The following MCC variants were observed in gnomAD, a reference collection of about 807,000 sequenced individuals.
MCC encodes the protein MCC regulator of Wnt signaling pathway.
Under a neutral mutation model 116.2 loss-of-function variants are expected in MCC, and 90 were observed. The ratio of observed to expected loss-of-function variants is 0.77; its 90% confidence interval spans 0.65 to 0.92. The LOEUF (loss-of-function observed/expected upper bound fraction) is 0.92. MCC is among the 40% of genes least tolerant of loss of function. The pLI, the probability that MCC is intolerant of heterozygous loss-of-function variation, is 0.00. For synonymous variants in MCC, 578 were observed against 510.5 expected, an observed-to-expected ratio of 1.13 and a Z score of -1.78; for missense variants, 1,516 against 1,312.2, an observed-to-expected ratio of 1.16 and a Z score of -2.40.
intron 2 of MCC, among the ~76,000 whole-genome samples, chr5:113,364,731 GGC>G (rs1372636853): frequency 6.6e-6 from 1 of 152,206 alleles, no homozygotes; most frequent in Non-Finnish European, 1.5e-5. Flanking sequence ...TCTAGGTGGA[GGC>G]TCACATGCTT....
intron 1 of MCC, among the ~76,000 whole-genome samples, chr5:113,449,343 A>T (rs1771318131): frequency 6.6e-6 from 1 of 152,264 alleles, no homozygotes; most frequent in South Asian, 2.1e-4. Context: ...TGTATATATG[A>T]AAAGCAGAAA....
At chr5:113,126,753 G>A (rs939395969) in intron 5 of MCC, among the ~76,000 whole-genome samples, 13 of 152,148 alleles carry the variant, frequency 8.5e-5, no homozygotes, top group Admixed American at 2.6e-4. Context: ...TATGTTATCC[G>A]TAAGGCTTCA....
intron 1 of MCC, among the ~76,000 whole-genome samples, chr5:113,464,547 C>A (rs1298289020): frequency 6.6e-6 from 1 of 152,178 alleles, no homozygotes; most frequent in Non-Finnish European, 1.5e-5. Flanking sequence ...CCCCTGAACT[C>A]CCTTCACTAT....
intron 3 of MCC, among the ~76,000 whole-genome samples, chr5:113,265,329 A>G (rs951774493): frequency 6.6e-6 from 1 of 152,176 alleles, no homozygotes; most frequent in Non-Finnish European, 1.5e-5. Context: ...CCAACCTGGT[A>G]TCTAACAAAT....
chr5:113,170,137 G>A (rs1325818055), intron 3 of MCC, among the ~76,000 whole-genome samples: 2 of 152,198 alleles, frequency 1.3e-5, no homozygotes, highest in Non-Finnish European at 2.9e-5. Context: ...GTCATGGGCA[G>A]GTCTGGTCTT....
intron 3 of MCC, among the ~76,000 whole-genome samples, chr5:113,172,617 C>G (rs751850123): frequency 7.2e-5 from 11 of 152,244 alleles, no homozygotes; most frequent in Non-Finnish European, 1.3e-4. Context: ...CCATGGCCAT[C>G]TGTCCATCTT....
At chr5:113,332,361 T>C (rs1055617671) in intron 3 of MCC, among the ~76,000 whole-genome samples, 2 of 151,420 alleles carry the variant, frequency 1.3e-5, no homozygotes, top group South Asian at 4.1e-4. Flanking sequence ...AGTATTTTCC[T>C]AAGATTTACT....
chr5:113,320,131 A>G (rs1767382934), intron 3 of MCC, among the ~76,000 whole-genome samples: 1 of 152,220 alleles, frequency 6.6e-6, no homozygotes, highest in South Asian at 2.1e-4. Flanking sequence ...AATTTGACTC[A>G]CTAGTATGCT....
chr5:113,363,760 C>G (rs1043361763), intron 2 of MCC, among the ~76,000 whole-genome samples: 2 of 152,146 alleles, frequency 1.3e-5, no homozygotes, highest in Admixed American at 1.3e-4. Flanking sequence ...CCAATAGTCC[C>G]CGAAAGTCTT....
chr5:113,278,792 G>A (rs762282078), intron 3 of MCC, among the ~76,000 whole-genome samples: 10 of 152,090 alleles, frequency 6.6e-5, no homozygotes, highest in Non-Finnish European at 1.2e-4. Flanking sequence ...TTCTAGGCAG[G>A]GAAATGACCA....
At chr5:113,073,298 T>C (rs1182483500) in intron 11 of MCC, among the ~76,000 whole-genome samples, 4 of 152,220 alleles carry the variant, frequency 2.6e-5, no homozygotes. Context: ...ATGGCGTGCG[T>C]GAGGCCCCTG....
At chr5:113,222,907 G>T (rs1763603232) in intron 3 of MCC, among the ~76,000 whole-genome samples, 2 of 152,174 alleles carry the variant, frequency 1.3e-5, no homozygotes, top group African/African-American at 4.8e-5. Flanking sequence ...TCTCCTGTGG[G>T]TATGATACCT....
chr5:113,040,098 C>T (rs533719769), intron 17 of MCC, among the ~76,000 whole-genome samples: 5 of 151,616 alleles, frequency 3.3e-5, no homozygotes, highest in African/African-American at 1.2e-4. Context: ...TATGGCAATA[C>T]CACAGCCAAC....
intron 3 of MCC, among the ~76,000 whole-genome samples, chr5:113,327,561 A>AAAAAATATATATATATATAT (rs1480996383): frequency 1.5e-4 from 12 of 80,552 alleles, no homozygotes; most frequent in African/African-American, 2.0e-4. Flanking sequence ...AAAAAAAAAA[A>AAAAAATATATATATATATAT]ATATATATAT....
intron 3 of MCC, among the ~76,000 whole-genome samples, chr5:113,283,014 G>C (rs1298792753): frequency 6.6e-6 from 1 of 152,222 alleles, no homozygotes. Context: ...GACATTGCTA[G>C]TCAGGCCACA....
intron 3 of MCC, among the ~76,000 whole-genome samples, chr5:113,205,598 AG>A (rs1352490405): frequency 6.6e-6 from 1 of 152,276 alleles, no homozygotes; most frequent in East Asian, 1.9e-4. Flanking sequence ...ATGCTATCAG[AG>A]GGCATGTTCT....
intron 3 of MCC, among the ~76,000 whole-genome samples, chr5:113,316,358 C>T (rs1354912437): frequency 6.6e-6 from 1 of 151,848 alleles, no homozygotes; most frequent in Non-Finnish European, 1.5e-5. Context: ...TTGCTTAAGA[C>T]CCTTTGTACT....
chr5:113,230,422 C>T (rs564075923), intron 3 of MCC, among the ~76,000 whole-genome samples: 4 of 152,310 alleles, frequency 2.6e-5, no homozygotes, highest in Admixed American at 1.3e-4. Flanking sequence ...TGTGATATCA[C>T]AAATGTTAAT....
intron 6 of MCC, among the ~76,000 whole-genome samples, chr5:113,112,118 A>G (rs1757134157): frequency 6.6e-6 from 1 of 152,206 alleles, no homozygotes; most frequent in Non-Finnish European, 1.5e-5. Flanking sequence ...ACTTTGCTCC[A>G]AAGTATGGTC....
Sources: gnomAD v4.1 joint callset for allele counts (sites outside exome capture counted in the v4.1 genomes callset) on GRCh38, gnomAD v4.1.1 for gene constraint, MANE v1.5 for transcripts, NCBI Gene and HGNC (gene_info 2026-07-23, HGNC 2026-07-21) for gene names.